Variants in FOXP1 observed in about 807,000 individuals in gnomAD.
The protein encoded by FOXP1 is forkhead box P1.
In FOXP1, 15 loss-of-function variants were observed where a neutral mutation model predicts 98.2. The ratio of observed to expected loss-of-function variants is 0.15; its 90% CI spans 0.10 to 0.24. The LOEUF is 0.24. Ranked by LOEUF, FOXP1 falls within the 10% of genes least tolerant of loss-of-function variation. FOXP1 has a pLI of 1.00. For synonymous variants in FOXP1, 371 were observed against 314.5 expected, an observed-to-expected ratio of 1.18 and a Z score of -1.90; for missense variants, 633 against 848.5, an observed-to-expected ratio of 0.75 and a Z score of 3.15.
chr3:70,964,626 T>C (rs935820498), intron 20 of FOXP1, among the ~76,000 whole-genome samples: 3 of 152,182 alleles, frequency 2.0e-5, no homozygotes, highest in African/African-American at 7.2e-5. Context: ...AACAGGAAAA[T>C]CGGAAACACT....
Position 71,581,627 on chromosome 3 carries a change from G to A in FOXP1, c.-376C>T. On this transcript the variant is annotated 5_prime_UTR_variant, in exon 2 of 21. Coordinates refer to ENST00000649528, the MANE Select transcript of FOXP1 (RefSeq NM_001349338.3). ...CGCCGGCAGCACCATGGTCCCCGGCGCCGCTGCCGCTGCCCCCGGCCCGCT... is the reference window on the plus strand; with the variant it reads ...CGCCGGCAGCACCATGGTCCCCGGCACCGCTGCCGCTGCCCCCGGCCCGCT... 1.0e-6 allele frequency: 1 copy of A among 985,790 alleles called. No individual in the cohort carries two copies. 61.1% of individuals were successfully genotyped at this position (985,790 alleles called of 1,614,324 possible).
chr3:71,212,050 G>A (rs2064511708), intron 5 of FOXP1, among the ~76,000 whole-genome samples: 1 of 152,136 alleles, frequency 6.6e-6, no homozygotes, highest in South Asian at 2.1e-4. Context: ...GAGGCTCTGA[G>A]TGGAACCATG....
At chr3:71,555,164 C>CA (rs1411171776) in intron 2 of FOXP1, among the ~76,000 whole-genome samples, 7 of 152,190 alleles carry the variant, frequency 4.6e-5, no homozygotes, top group African/African-American at 1.7e-4. Flanking sequence ...TAAGAACACT[C>CA]AGACTGCTTC....
At chr3:71,342,891 T>C (rs1470691856) in intron 4 of FOXP1, among the ~76,000 whole-genome samples, 1 of 152,230 alleles carries the variant, frequency 6.6e-6, no homozygotes, top group Non-Finnish European at 1.5e-5. Context: ...CATATTACTG[T>C]TAACTAAATG....
intron 11 of FOXP1, among the ~76,000 whole-genome samples, chr3:71,024,937 C>T (rs2045918739): frequency 6.6e-6 from 1 of 152,064 alleles, no homozygotes; most frequent in Non-Finnish European, 1.5e-5. Context: ...TATAGTGGTC[C>T]TCAGGGCATG....
intron 3 of FOXP1, among the ~76,000 whole-genome samples, chr3:71,396,719 A>T (rs1246678992): frequency 6.6e-6 from 1 of 151,186 alleles, no homozygotes; most frequent in Non-Finnish European, 1.5e-5. Context: ...GTTTAAGAAG[A>T]CAGCAACAGC....
intron 3 of FOXP1, among the ~76,000 whole-genome samples, chr3:71,407,311 G>C (rs755150202): frequency 1.2e-4 from 19 of 152,222 alleles, no homozygotes; most frequent in Non-Finnish European, 2.5e-4. Context: ...GGCTGGGGTG[G>C]GGGGTGGCGG....
chr3:70,968,429 T>C (rs1314951052), intron 19 of FOXP1: 1 of 150,998 alleles, frequency 6.6e-6, no homozygotes, highest in African/African-American at 2.5e-5. Flanking sequence ...AAAATGGAGT[T>C]AATTATATAA....
intron 6 of FOXP1, among the ~76,000 whole-genome samples, chr3:71,137,159 T>C (rs533365688): frequency 6.6e-6 from 1 of 152,344 alleles, no homozygotes; most frequent in South Asian, 2.1e-4. Flanking sequence ...CTCTGAGTTC[T>C]TTTCCTTCCA....
At chr3:70,989,385 T>C (rs1291160562) in intron 13 of FOXP1, among the ~76,000 whole-genome samples, 1 of 152,096 alleles carries the variant, frequency 6.6e-6, no homozygotes, top group East Asian at 1.9e-4. Context: ...AGTGTTAGCA[T>C]TTATCTTTCA....
chr3:71,304,413 C>T (rs750235836), intron 4 of FOXP1, among the ~76,000 whole-genome samples: 4 of 152,194 alleles, frequency 2.6e-5, no homozygotes, highest in Non-Finnish European at 5.9e-5. Context: ...GTTTTAGATT[C>T]ACCTTTAGTG....
At chr3:70,972,742 A>G (rs761050960) in intron 17 of FOXP1, 66 bp from the exon 18 acceptor site, 13 of 1,536,588 alleles carry the variant, frequency 8.5e-6, no homozygotes, top group Non-Finnish European at 1.2e-5. Flanking sequence ...AAACAGCAGT[A>G]AATTCAGCCT....
At chr3:71,388,775 G>A (rs538494190) in intron 3 of FOXP1, among the ~76,000 whole-genome samples, 56 of 152,086 alleles carry the variant, frequency 3.7e-4, no homozygotes, top group East Asian at 1.9e-4. Flanking sequence ...TCTACAAGGC[G>A]GACAGATAAA....
At chr3:71,231,053 G>A (rs1333180175) in intron 5 of FOXP1, among the ~76,000 whole-genome samples, 1 of 152,150 alleles carries the variant, frequency 6.6e-6, no homozygotes, top group African/African-American at 2.4e-5. Flanking sequence ...AAGCAAGTTT[G>A]CAAATCTACT....
In FOXP1 at chr3:71,504,599, C is replaced by A. The variant is rs74438671; in HGVS notation, c.-297-11044G>T. On this transcript the variant is annotated intron_variant, in intron 2 of 20. Transcript: ENST00000649528. ...AACAACCCGGCTCAGAGCTGTCCAA[C>A]GTCTGATGGCCACAGTTCCTTCTGA... Among the ~76,000 whole-genome samples, 4 of 152,154 alleles carry A rather than the reference C, an allele frequency of 2.6e-5. No homozygotes were observed. The East Asian group carries it at 7.7e-4, about 29-fold the overall frequency.
chr3:71,174,826 A>ACACACACACACACACACACC (rs1050762895), intron 6 of FOXP1, among the ~76,000 whole-genome samples: 2 of 147,228 alleles, frequency 1.4e-5, no homozygotes, highest in African/African-American at 2.6e-5. Flanking sequence ...ACACACACAC[A>ACACACACACACACACACACC]CCCCAATATA....
chr3:71,184,803 A>T (rs2062547917), intron 6 of FOXP1, among the ~76,000 whole-genome samples: 2 of 152,058 alleles, frequency 1.3e-5, no homozygotes, highest in East Asian at 3.8e-4. Context: ...TTGCAATCGC[A>T]AAATTACACA....
intron 6 of FOXP1, among the ~76,000 whole-genome samples, chr3:71,150,477 G>A (rs1420904642): frequency 1.3e-5 from 2 of 151,680 alleles, no homozygotes; most frequent in Admixed American, 6.6e-5. Context: ...CAGTCTGGCA[G>A]GAGGTGAAAA....
intron 6 of FOXP1, among the ~76,000 whole-genome samples, chr3:71,114,386 G>A (rs1318316081): frequency 6.6e-6 from 1 of 152,348 alleles, no homozygotes; most frequent in Non-Finnish European, 1.5e-5. Context: ...TAAAAACGTG[G>A]AGTGTGCAAG....
Sources: allele counts gnomAD v4.1 joint callset (sites outside exome capture counted in the v4.1 genomes callset), GRCh38; gene constraint gnomAD v4.1.1; transcripts MANE v1.5; gene names NCBI Gene and HGNC (gene_info 2026-07-23, HGNC 2026-07-21).